Variants in IL17RE observed in about 807,000 individuals in gnomAD.
IL17RE encodes interleukin 17 receptor E.
In IL17RE, 47 loss-of-function variants were observed where a neutral mutation model predicts 70.7. The observed-to-expected ratio is 0.67, with a 90% CI of 0.53 to 0.85. The LOEUF (loss-of-function observed/expected upper bound fraction) is 0.85, where lower values mean the gene tolerates loss of function less well. IL17RE is among the 40% of genes least tolerant of loss of function. The pLI is 0.00. For missense variants in IL17RE, 850 were observed against 893.9 expected (o/e 0.95, Z 0.63); for synonymous variants, 372 against 381.2 (o/e 0.98, Z 0.28).
intron 3 of IL17RE, among the ~76,000 whole-genome samples, chr3:9,904,717 G>A (rs1048486888): frequency 1.3e-5 from 2 of 152,138 alleles, no homozygotes; most frequent in Non-Finnish European, 2.9e-5. Context: ...AACCCAGGAG[G>A]TGGAGGTTGC....
Position 9,906,453 on chromosome 3 carries a change from C to T in IL17RE, c.358C>T (p.Pro120Ser). ...CTATAGGAGACACAAGATGCCAGCA[C>T]CTGCTCAGGTACTCTCCCTGTCAGT... The part of the protein sequence containing the change: ...KFYRRHKMPA[P>S]AQRKLLPRRH... The change falls in exon 4 of 16, where the codon CCT becomes TCT. Residue 120 changes from proline to serine, a missense_variant. Transcript: ENST00000383814. 1 of 1,610,200 alleles carries T rather than the reference C, an allele frequency of 6.2e-7. No individual in the cohort carries two copies. The highest frequency in any genetic ancestry group is 1.1e-5 in the South Asian group (1 of 90,964).
upstream of IL17RE, chr3:9,902,748 A>T (rs760349685): frequency 5.6e-5 from 86 of 1,534,624 alleles, no homozygotes; most frequent in Non-Finnish European, 6.4e-5. Context: ...CTCCACTTGG[A>T]GGGGAAGGAA....
chr3:9,903,010 T>G lies in IL17RE; in HGVS notation c.78T>G (p.Ile26Met). 6.2e-7 allele frequency: 1 copy of G among 1,614,212 alleles called. No homozygotes were observed. Among genetic ancestry groups the G allele is most frequent in the Non-Finnish European group, 8.5e-7 (1 of 1,180,028 alleles). ...TCGACCTCTCTGACTCTGCTGGGAT[T>G]GGCTTTCGCCACCTGCCCCACTGGA... is the stretch of plus-strand genomic sequence containing the variant. ...IVIDLSDSAG[I>M]GFRHLPHWNT... The change falls in exon 1 of 16, where the codon ATT becomes ATG. Residue 26 changes from isoleucine to methionine, a missense_variant. Coordinates refer to ENST00000383814, the MANE Select transcript of IL17RE (RefSeq NM_153480.2).
rs763617135 is a variant in IL17RE, at chr3:9,906,881, A to C, written c.526+16A>C. 1.9e-6 allele frequency: 3 copies of C among 1,614,150 alleles called. No individual in the cohort carries two copies. Among genetic ancestry groups the C allele is most frequent in the African/African-American group, 1.3e-5 (1 of 75,036 alleles). ...AGGCATGGAGGTGGGCACTGGGTAC[A>C]ACAGGAGATGGGTTCAGCTGAGTGG... On this transcript the variant is annotated intron_variant, in intron 5 of 15. Transcript: ENST00000383814.
At chr3:9,908,122 C>G in intron 6 of IL17RE, 117 bp from the exon 7 acceptor site, 2 of 769,796 alleles carry the variant, frequency 2.6e-6, no homozygotes, top group Non-Finnish European at 4.5e-6. Flanking sequence ...AGAAGTATCT[C>G]ATATTAGAGG....
chr3:9,907,403 T>TA (rs1216725059), intron 6 of IL17RE, among the ~76,000 whole-genome samples: 3 of 151,572 alleles, frequency 2.0e-5, no homozygotes, highest in Admixed American at 1.3e-4. Flanking sequence ...ATTAATTAAT[T>TA]AATTAAATTA....
At chr3:9,914,886 A>G in intron 15 of IL17RE, 109 bp downstream of exon 15, 2 of 950,728 alleles carry the variant, frequency 2.1e-6, no homozygotes, top group Non-Finnish European at 3.2e-6. Context: ...AATCTCTGTT[A>G]CCCAGGCAGG....
upstream of IL17RE, among the ~76,000 whole-genome samples, chr3:9,902,347 C>T (rs1263518154): frequency 6.6e-6 from 1 of 152,274 alleles, no homozygotes; most frequent in Non-Finnish European, 1.5e-5. Flanking sequence ...AGAGAGAACT[C>T]GGCTATAGTC....
chr3:9,903,347 C>A (rs746186443), intron 1 of IL17RE, 50 bp from the exon 2 acceptor site: 1 of 1,606,904 alleles, frequency 6.2e-7, no homozygotes, highest in Non-Finnish European at 8.5e-7. Context: ...GGGAGTCTCT[C>A]CTAATAATAG....
rs778225748 is a variant in IL17RE, at chr3:9,909,229, C to A, written c.748C>A (p.Gln250Lys). The A allele has an allele frequency of 4.3e-6, 7 of 1,613,968 alleles. No homozygotes were observed. The highest frequency in any genetic ancestry group is 3.4e-6 in the Non-Finnish European group (4 of 1,179,946). ...PCLCIEASYL[Q>K]EDTVRRKKCP... ...CCCGTCTCTCCAGGCATCCTACCTG[C>A]AAGAGGACACTGTGAGGCGCAAAAA... Residue 250 changes from glutamine (Q) to lysine (K), a missense_variant, in exon 8 of 16, where the codon CAA (glutamine) becomes AAA (lysine). Transcript: ENST00000383814.
chr3:9,914,897 G>T (rs941078443), intron 15 of IL17RE, 120 bp downstream of exon 15: 1 of 859,264 alleles, frequency 1.2e-6, no homozygotes, highest in African/African-American at 1.7e-5. Flanking sequence ...CCCAGGCAGG[G>T]AGCCTCAGGC....
Position 9,915,413 on chromosome 3 carries a change from C to T in IL17RE, c.1610C>T (p.Pro537Leu), listed in dbSNP as rs113779283. Reference protein sequence around the residue: ...WEGRHVARVGPLPWLWAARTR... With the variant: ...WEGRHVARVGLLPWLWAARTR... ...GGGAGGCACGTGGCGCGCGTGGGCCCGCTGCCGTGGCTCTGGGCGGCGCGG... is the reference window on the plus strand; with the variant it reads ...GGGAGGCACGTGGCGCGCGTGGGCCTGCTGCCGTGGCTCTGGGCGGCGCGG... The change falls in exon 16 of 16, where the codon CCG becomes CTG. Residue 537 changes from proline to leucine, a missense_variant. Coordinates refer to ENST00000383814, the MANE Select transcript of IL17RE (RefSeq NM_153480.2). This position sits in a 1 kb window ranked among gnomAD's most constrained non-coding sequence, Gnocchi z 4.9. 15 of 1,360,542 alleles carry T rather than the reference C, an allele frequency of 1.1e-5. No homozygotes were observed. Among genetic ancestry groups the T allele is most frequent in the African/African-American group, 7.6e-5 (5 of 65,656 alleles). The allele number at this position is 1,360,542 out of a possible 1,614,324, so 84.3% of individuals were successfully genotyped here.
At chr3:9,906,603 G>T in intron 4 of IL17RE, 103 bp from the exon 5 acceptor site, 2 of 1,467,112 alleles carry the variant, frequency 1.4e-6, no homozygotes, top group South Asian at 1.2e-5. Flanking sequence ...GAGGCCAAAA[G>T]AGTTTGAGCA....
chr3:9,911,798 T>C lies in IL17RE; in HGVS notation c.1227+201T>C, dbSNP rs1036187808. The C allele has an allele frequency of 9.9e-4, 479 of 486,284 alleles. 1 individual carries two copies. Among genetic ancestry groups the C allele is most frequent in the Admixed American group, 1.4e-3 (37 of 26,392 alleles). The allele number at this position is 486,284 out of a possible 1,614,324, so 30.1% of individuals were successfully genotyped here. ...CCTCAAGGGAGCATTTTCTTTTTTT[T>C]CTTTTTTTCTTTTTTTTTTTTGAGA... On this transcript the variant is annotated intron_variant, in intron 12 of 15. Transcript: ENST00000383814.
At position 9,902,854 on chromosome 3, in the gene IL17RE, G is replaced by A. The variant is rs536645903; in HGVS notation, c.-79G>A. ...GAGGGCTCCTGCTGGTACTGTGTTC[G>A]CTGCTGCACAGCAAGGCCCTGCCAC... is the stretch of plus-strand genomic sequence containing the variant. On this transcript the variant is annotated 5_prime_UTR_variant, in exon 1 of 16. Transcript: ENST00000383814. The A allele has an allele frequency of 1.8e-5, 29 of 1,610,552 alleles. No individual in the cohort carries two copies. Among genetic ancestry groups the A allele is most frequent in the East Asian group, 1.1e-4 (5 of 44,842 alleles).
intron 12 of IL17RE, among the ~76,000 whole-genome samples, chr3:9,913,429 A>G (rs2082939911): frequency 6.6e-6 from 1 of 151,950 alleles, no homozygotes; most frequent in African/African-American, 2.4e-5. Flanking sequence ...AAATAAATAA[A>G]TAAATAAACA....
At chr3:9,912,391 C>A (rs189306190) in intron 12 of IL17RE, among the ~76,000 whole-genome samples, 1 of 152,182 alleles carries the variant, frequency 6.6e-6, no homozygotes, top group African/African-American at 2.4e-5. Context: ...TACCACTACT[C>A]TCCTGCCTCC....
chr3:9,909,447 G>T (rs2082840947), intron 8 of IL17RE, 164 bp downstream of exon 8: 4 of 659,748 alleles, frequency 6.1e-6, no homozygotes, highest in Non-Finnish European at 8.2e-6. Flanking sequence ...TCAGTGGGGG[G>T]AAAAGGGCTG....
chr3:9,911,243 T>G lies in IL17RE; in HGVS notation c.1027-12T>G. On this transcript the variant is annotated splice_polypyrimidine_tract_variant and intron_variant, in intron 10 of 15. Transcript: ENST00000383814. ...CTGGAGCTTGCTAATCTGCCATTCC[T>G]GTATTTCTCAGTTCTCTTTTGGAAA... The G allele has an allele frequency of 6.2e-7, 1 of 1,614,226 alleles. No individual in the cohort carries two copies. Among genetic ancestry groups the G allele is most frequent in the Non-Finnish European group, 8.5e-7 (1 of 1,180,038 alleles).
Sources: gnomAD v4.1 joint callset for allele counts (sites outside exome capture counted in the v4.1 genomes callset) on GRCh38, gnomAD v4.1.1 for gene constraint, Gnocchi (gnomAD v3.1) non-coding constraint, MANE v1.5 for transcripts, NCBI Gene and HGNC (gene_info 2026-07-23, HGNC 2026-07-21) for gene names.